The following KLHL32 variants were observed in gnomAD, a reference collection of about 807,000 sequenced individuals.
KLHL32 encodes kelch-like protein 32.
Under a neutral mutation model 64.8 loss-of-function variants are expected in KLHL32, and 35 were observed. The ratio of observed to expected loss-of-function variants is 0.54; its 90% CI spans 0.41 to 0.72. The LOEUF (loss-of-function observed/expected upper bound fraction) is 0.72. KLHL32 is among the 30% of genes least tolerant of loss of function. The pLI is 0.00. For missense variants in KLHL32, 589 were observed against 768.5 expected (o/e 0.77, Z 2.76); for synonymous variants, 259 against 281.0 (o/e 0.92, Z 0.78).
At chr6:96,987,370 C>T (rs1777239918) in intron 3 of KLHL32, among the ~76,000 whole-genome samples, 1 of 152,112 alleles carries the variant, frequency 6.6e-6, no homozygotes, top group Admixed American at 6.6e-5. Flanking sequence ...TCCCTCTACA[C>T]ACTGCTTTGA....
intron 3 of KLHL32, among the ~76,000 whole-genome samples, chr6:96,979,300 C>G (rs557994749): frequency 1.3e-4 from 20 of 152,240 alleles, no homozygotes; most frequent in African/African-American, 4.6e-4. Context: ...TTTAATCCCT[C>G]TTGAGTTGAT....
chr6:96,932,573 C>G (rs575002291), intron 1 of KLHL32, among the ~76,000 whole-genome samples: 7 of 137,202 alleles, frequency 5.1e-5, no homozygotes, highest in South Asian at 2.7e-4. Context: ...TTCCCCCCCC[C>G]CCTTTTTTTT....
chr6:96,970,866 G>A (rs1169217553), intron 2 of KLHL32, among the ~76,000 whole-genome samples: 1 of 151,468 alleles, frequency 6.6e-6, no homozygotes, highest in Non-Finnish European at 1.5e-5. Flanking sequence ...TTTATTATAG[G>A]GTCTTTTAAT....
At chr6:97,014,036 G>A (rs1164217006) in intron 3 of KLHL32, among the ~76,000 whole-genome samples, 1 of 152,136 alleles carries the variant, frequency 6.6e-6, no homozygotes, top group African/African-American at 2.4e-5. Context: ...GCCGGGCGCC[G>A]TGGCTCACGC....
At chr6:97,058,935 C>A (rs1788440594) in intron 4 of KLHL32, among the ~76,000 whole-genome samples, 1 of 152,212 alleles carries the variant, frequency 6.6e-6, no homozygotes, top group African/African-American at 2.4e-5. Flanking sequence ...GATACACAAG[C>A]ATTCTTTTGG....
At chr6:97,114,893 A>G (rs1797659994) in intron 7 of KLHL32, among the ~76,000 whole-genome samples, 1 of 152,190 alleles carries the variant, frequency 6.6e-6, no homozygotes, top group African/African-American at 2.4e-5. Context: ...CATTTCATCA[A>G]AGACAAGGCA....
At chr6:97,025,105 T>C (rs1782533979) in intron 3 of KLHL32, 1 of 985,242 alleles carries the variant, frequency 1.0e-6, no homozygotes, top group Non-Finnish European at 1.2e-6. Flanking sequence ...GGCAGATGTT[T>C]TACAAAAGAG....
Position 97,057,752 on chromosome 6 carries a change from C to A in KLHL32, c.313-6876C>A, listed in dbSNP as rs190003045. Among the ~76,000 whole-genome samples the A allele has an allele frequency of 3.1e-3, 466 of 152,200 alleles. 1 individual carries two copies. Among genetic ancestry groups the A allele is most frequent in the Non-Finnish European group, 4.6e-3 (311 of 68,010 alleles). ...CAGAAGTTTTTAATTTTAAAAAAGT[C>A]CAAGTTGTCAATTATGTCTTTCATG... On this transcript the variant is annotated intron_variant, in intron 4 of 10. Coordinates refer to ENST00000369261, the MANE Select transcript of KLHL32 (RefSeq NM_052904.4).
chr6:97,097,074 C>T lies in KLHL32; in HGVS notation c.627+11733C>T, dbSNP rs193052493. Among the ~76,000 whole-genome samples the T allele has an allele frequency of 2.0e-5, 3 of 152,256 alleles. No individual in the cohort carries two copies. In the East Asian group the frequency reaches 5.8e-4, roughly 29 times the overall value. ...GTTTTATAACTCTGCACTGTCAGAA[C>T]TCATAATAAGTCAAACATTCTTTCA... On this transcript the variant is annotated intron_variant, in intron 6 of 10. Coordinates refer to ENST00000369261, the MANE Select transcript of KLHL32 (RefSeq NM_052904.4).
intron 3 of KLHL32, among the ~76,000 whole-genome samples, chr6:97,035,791 A>G (rs569300795): frequency 1.3e-5 from 2 of 152,248 alleles, no homozygotes; most frequent in East Asian, 3.9e-4. Context: ...AAATTTAATT[A>G]TAATGTATCC....
intron 3 of KLHL32, among the ~76,000 whole-genome samples, chr6:97,032,005 C>T (rs769672062): frequency 7.9e-5 from 12 of 152,118 alleles, no homozygotes; most frequent in Non-Finnish European, 1.0e-4. Flanking sequence ...TGTATTTAAA[C>T]CTATAACAAC....
At chr6:97,061,080 C>G (rs184339927) in intron 4 of KLHL32, among the ~76,000 whole-genome samples, 1 of 152,248 alleles carries the variant, frequency 6.6e-6, no homozygotes, top group East Asian at 1.9e-4. Context: ...GTCCAACATC[C>G]CTCATTCGAG....
chr6:96,922,729 G>T (rs2127982352), upstream of KLHL32, among the ~76,000 whole-genome samples: 1 of 152,248 alleles, frequency 6.6e-6, no homozygotes, highest in Middle Eastern at 3.4e-3. Context: ...TATATATAAT[G>T]GTACCTAAGA....
chr6:97,023,356 A>G (rs534293743), intron 3 of KLHL32, among the ~76,000 whole-genome samples: 1 of 152,350 alleles, frequency 6.6e-6, no homozygotes, highest in African/African-American at 2.4e-5. Context: ...CAATCTATAA[A>G]CTGAATTTAT....
chr6:96,914,514 C>T, the KLHL32 span, among the ~76,000 whole-genome samples: 11 of 152,226 alleles, frequency 7.2e-5, no homozygotes, highest in African/African-American at 2.4e-4. Flanking sequence ...GTCTACCTCC[C>T]TGCACTATCG....
At chr6:97,112,636 A>G (rs2128209040) in intron 6 of KLHL32, among the ~76,000 whole-genome samples, 1 of 152,018 alleles carries the variant, frequency 6.6e-6, no homozygotes, top group South Asian at 2.1e-4. Context: ...TAGTAAAGAC[A>G]GGGTTTCACC....
intron 3 of KLHL32, among the ~76,000 whole-genome samples, chr6:97,019,519 A>G (rs941839713): frequency 2.0e-5 from 3 of 152,214 alleles, no homozygotes; most frequent in Admixed American, 2.0e-4. Context: ...ACTTCGGGTG[A>G]AGCACTCACA....
chr6:97,070,885 A>G (rs950159504), intron 5 of KLHL32, among the ~76,000 whole-genome samples: 17 of 152,082 alleles, frequency 1.1e-4, no homozygotes, highest in African/African-American at 4.1e-4. Context: ...GTAAAAGAAG[A>G]TCTGTGTTTC....
At chr6:97,123,530 TAA>T (rs1449114373) in intron 7 of KLHL32, among the ~76,000 whole-genome samples, 1 of 152,190 alleles carries the variant, frequency 6.6e-6, no homozygotes, top group African/African-American at 2.4e-5. Flanking sequence ...TTCAAAAGTA[TAA>T]GACAGGGTTG....
Sources: gnomAD v4.1 joint callset for allele counts (sites outside exome capture counted in the v4.1 genomes callset) on GRCh38, gnomAD v4.1.1 for gene constraint, MANE v1.5 for transcripts, NCBI Gene and HGNC (gene_info 2026-07-23, HGNC 2026-07-21) for gene names.